FHIT: variants seen among roughly 807,000 people sequenced by gnomAD.
The protein encoded by FHIT is bis(5'-adenosyl)-triphosphatase.
In FHIT, 19 loss-of-function variants were observed where a neutral mutation model predicts 17.9. That is an observed-to-expected ratio of 1.06 (90% confidence interval 0.74 to 1.56). FHIT has a LOEUF of 1.56. Ranked by LOEUF, FHIT falls within the 40% of genes most tolerant of loss-of-function variation. FHIT has a pLI of 0.00. For synonymous variants in FHIT, 81 were observed against 69.7 expected (o/e 1.16, Z -0.81); for missense variants, 248 against 189.2 (o/e 1.31, Z -1.82).
intron 2 of FHIT, among the ~76,000 whole-genome samples, chr3:61,132,290 G>A (rs970653170): frequency 1.3e-5 from 2 of 152,166 alleles, no homozygotes; most frequent in African/African-American, 4.8e-5. Flanking sequence ...TCTCAGAAAA[G>A]GTCTGGCTGT....
chr3:60,323,851 G>A (rs1168349669), intron 5 of FHIT, among the ~76,000 whole-genome samples: 1 of 152,140 alleles, frequency 6.6e-6, no homozygotes, highest in African/African-American at 2.4e-5. Flanking sequence ...TGAGCCTGGG[G>A]CCTGCCCACG....
rs1190244256 is a variant in FHIT at position 61,209,747 on chromosome 3, A to T, written c.-212-9082T>A. 5.3e-5 allele frequency among the ~76,000 whole-genome samples: 8 copies of T among 151,798 alleles called. No individual in the cohort carries two copies. The East Asian group carries it at 1.6e-3, about 29-fold the overall frequency. ...TTTCAAGGTTTTTAACTTCTTTGCC[A>T]TTGGTTCGAACTTCCTCCTTTAGCT... On this transcript the variant is annotated intron_variant, in intron 1 of 9. Transcript: ENST00000492590.
At chr3:60,075,517 C>G (rs1702965665) in intron 5 of FHIT, among the ~76,000 whole-genome samples, 3 of 152,070 alleles carry the variant, frequency 2.0e-5, no homozygotes, top group Admixed American at 2.0e-4. Flanking sequence ...TGATATTTCT[C>G]AAAGCAATGG....
At chr3:60,626,959 C>A (rs545036062) in intron 4 of FHIT, among the ~76,000 whole-genome samples, 3 of 151,898 alleles carry the variant, frequency 2.0e-5, no homozygotes, top group African/African-American at 7.2e-5. Flanking sequence ...AATCATGTTG[C>A]TTTTATCCTT....
chr3:60,028,739 G>A (rs1385086848), intron 5 of FHIT, among the ~76,000 whole-genome samples: 1 of 152,122 alleles, frequency 6.6e-6, no homozygotes, highest in Non-Finnish European at 1.5e-5. Flanking sequence ...TGATGTTCAG[G>A]AGATTCTAGA....
chr3:60,357,113 ATAT>A (rs1310897707), intron 5 of FHIT, among the ~76,000 whole-genome samples: 3 of 152,172 alleles, frequency 2.0e-5, no homozygotes, highest in Non-Finnish European at 4.4e-5. Flanking sequence ...TCTGTCTAAA[ATAT>A]TATGTAGGCA....
intron 4 of FHIT, among the ~76,000 whole-genome samples, chr3:60,660,839 T>C (rs1241753528): frequency 6.6e-6 from 1 of 150,578 alleles, no homozygotes; most frequent in Non-Finnish European, 1.5e-5. Flanking sequence ...ACTCTTGACT[T>C]TTCAGAGTTC....
chr3:60,487,661 C>T (rs1168423206), intron 5 of FHIT, among the ~76,000 whole-genome samples: 1 of 152,194 alleles, frequency 6.6e-6, no homozygotes, highest in Non-Finnish European at 1.5e-5. Context: ...GCCTGACTAT[C>T]TCAAAGTTGC....
At chr3:60,077,677 G>A (rs982026729) in intron 5 of FHIT, among the ~76,000 whole-genome samples, 14 of 117,576 alleles carry the variant, frequency 1.2e-4, no homozygotes, top group South Asian at 3.1e-4. Flanking sequence ...AAAAATCTAC[G>A]ATTTTACTTC....
At chr3:60,339,155 T>C (rs1033813576) in intron 5 of FHIT, among the ~76,000 whole-genome samples, 7 of 152,234 alleles carry the variant, frequency 4.6e-5, no homozygotes, top group Non-Finnish European at 7.3e-5. Context: ...TGTGTTTATA[T>C]ATAAAATGAG....
chr3:60,037,912 T>C (rs1040093574), intron 5 of FHIT, among the ~76,000 whole-genome samples: 2 of 151,850 alleles, frequency 1.3e-5, no homozygotes, highest in African/African-American at 4.8e-5. Flanking sequence ...CAGGGTTTCA[T>C]TGTATTGCCC....
chr3:60,636,236 A>C (rs1024160621), intron 4 of FHIT, among the ~76,000 whole-genome samples: 1 of 151,936 alleles, frequency 6.6e-6, no homozygotes, highest in Non-Finnish European at 1.5e-5. Flanking sequence ...ACGCCTAGCT[A>C]ATTTTTATAT....
rs117926002 is a variant in FHIT, at chr3:60,331,175, C to T, written c.103+205685G>A. Among the ~76,000 whole-genome samples the T allele has an allele frequency of 7.4e-4, 112 of 152,302 alleles. 2 individuals carry two copies. The East Asian group carries it at 0.021, about 28-fold the overall frequency. Reference sequence around the variant, plus strand: ...TCATGAAGTACCCTTACCTCCAGGCCTGTGTACATGATGTTCATCCATTCT... The same window carrying T: ...TCATGAAGTACCCTTACCTCCAGGCTTGTGTACATGATGTTCATCCATTCT... On this transcript the variant is annotated intron_variant, in intron 5 of 9. Transcript: ENST00000492590.
Position 59,854,396 on chromosome 3 carries a change from C to A in FHIT, c.348+67950G>T, listed in dbSNP as rs115515303. On this transcript the variant is annotated intron_variant, in intron 8 of 9. Coordinates refer to ENST00000492590, the MANE Select transcript of FHIT (RefSeq NM_002012.4). ...CGTCGCATGTGCAAAAAAACAGGGACAGGAAGGCAAAGAGGTCAAGTTTCC... is the reference window on the plus strand; with the variant it reads ...CGTCGCATGTGCAAAAAAACAGGGAAAGGAAGGCAAAGAGGTCAAGTTTCC... 8.6e-3 allele frequency among the ~76,000 whole-genome samples: 1,315 copies of A among 152,256 alleles called. 14 individuals are homozygous for A. Among genetic ancestry groups the A allele is most frequent in the South Asian group, 0.016 (77 of 4,826 alleles).
At chr3:60,404,922 C>T (rs1701795508) in intron 5 of FHIT, among the ~76,000 whole-genome samples, 2 of 152,138 alleles carry the variant, frequency 1.3e-5, no homozygotes, top group South Asian at 4.1e-4. Context: ...TCTGAACGAT[C>T]ATTAAAAGAA....
At chr3:60,822,732 T>C (rs1701970224) in intron 3 of FHIT, among the ~76,000 whole-genome samples, 1 of 152,150 alleles carries the variant, frequency 6.6e-6, no homozygotes. Context: ...TTCTGGCACA[T>C]GTTAGATGCT....
At chr3:61,069,069 A>G (rs2034711118) in intron 2 of FHIT, among the ~76,000 whole-genome samples, 2 of 152,194 alleles carry the variant, frequency 1.3e-5, no homozygotes, top group African/African-American at 2.4e-5. Context: ...GAATTCTACT[A>G]GAATTCAACA....
intron 3 of FHIT, among the ~76,000 whole-genome samples, chr3:60,899,209 G>A (rs560243084): frequency 2.2e-4 from 34 of 152,278 alleles, no homozygotes; most frequent in Middle Eastern, 3.4e-3. Context: ...GGTGTGTGAA[G>A]CTTCTTAACA....
intron 7 of FHIT, among the ~76,000 whole-genome samples, chr3:60,000,984 G>T (rs1007487363): frequency 6.6e-6 from 1 of 152,008 alleles, no homozygotes; most frequent in Non-Finnish European, 1.5e-5. Flanking sequence ...CCAGCTCTTC[G>T]CTGGCTAGGC....
Sources: gnomAD v4.1 joint callset for allele counts (sites outside exome capture counted in the v4.1 genomes callset) on GRCh38, gnomAD v4.1.1 for gene constraint, MANE v1.5 for transcripts, NCBI Gene and HGNC (gene_info 2026-07-23, HGNC 2026-07-21) for gene names.